TRIO: variants seen among roughly 807,000 people sequenced by gnomAD.
TRIO encodes the protein trio Rho guanine nucleotide exchange factor.
A neutral mutation model predicts 351.9 loss-of-function variants in TRIO; 58 were observed. The ratio of observed to expected loss-of-function variants is 0.16; its 90% CI spans 0.13 to 0.21. The LOEUF (loss-of-function observed/expected upper bound fraction) is 0.21. Ranked by LOEUF, TRIO falls within the 10% of genes least tolerant of loss-of-function variation. The pLI is 1.00. For missense variants in TRIO, 3,201 were observed against 4,027.8 expected, an observed-to-expected ratio of 0.79 and a Z score of 5.56; for synonymous variants, 1,758 against 1,595.7, an observed-to-expected ratio of 1.10 and a Z score of -2.42.
At chr5:14,162,627 C>T (rs184391602) in intron 1 of TRIO, among the ~76,000 whole-genome samples, 110 of 152,202 alleles carry the variant, frequency 7.2e-4, no homozygotes, top group Non-Finnish European at 1.2e-3. Flanking sequence ...ATGAGCCTGT[C>T]TTCCTTATTA....
intron 33 of TRIO, among the ~76,000 whole-genome samples, chr5:14,419,017 G>A (rs1749886096): frequency 6.6e-6 from 1 of 152,126 alleles, no homozygotes; most frequent in Admixed American, 6.5e-5. Flanking sequence ...AGGACCGGAA[G>A]AGTTTCAGTA....
At chr5:14,393,535 A>G (rs1298057329) in intron 27 of TRIO, among the ~76,000 whole-genome samples, 2 of 152,196 alleles carry the variant, frequency 1.3e-5, no homozygotes, top group Non-Finnish European at 1.5e-5. Flanking sequence ...TCTCCAGGCT[A>G]TCTGATAACC....
At chr5:14,209,053 A>C (rs2607080) in intron 1 of TRIO, among the ~76,000 whole-genome samples, 85 of 152,332 alleles carry the variant, frequency 5.6e-4, no homozygotes, top group African/African-American at 2.0e-3. Context: ...TTTATTCGAC[A>C]GGTCGCAGTT....
At chr5:14,421,016 C>T (rs897386340) in intron 34 of TRIO, among the ~76,000 whole-genome samples, 2 of 152,078 alleles carry the variant, frequency 1.3e-5, no homozygotes, top group South Asian at 2.1e-4. Flanking sequence ...AATGTTGCTA[C>T]GTTGTACCAT....
At chr5:14,177,852 C>T (rs528716867) in intron 1 of TRIO, among the ~76,000 whole-genome samples, 133 of 152,190 alleles carry the variant, frequency 8.7e-4, no homozygotes, top group Non-Finnish European at 1.8e-3. Flanking sequence ...CTGGAATTTT[C>T]ACAGGCCCAT....
At chr5:14,168,370 G>A (rs1336545065) in intron 1 of TRIO, among the ~76,000 whole-genome samples, 2 of 152,252 alleles carry the variant, frequency 1.3e-5, no homozygotes, top group East Asian at 1.9e-4. Flanking sequence ...GAGGTCCCAC[G>A]TAGGTGAACT....
chr5:14,322,903 G>A (rs1220207628), intron 9 of TRIO, among the ~76,000 whole-genome samples: 1 of 152,150 alleles, frequency 6.6e-6, no homozygotes, highest in East Asian at 1.9e-4. Context: ...GGAACTACTG[G>A]GCGCAGGTAG....
intron 1 of TRIO, among the ~76,000 whole-genome samples, chr5:14,199,166 C>T (rs1790942130): frequency 8.4e-6 from 1 of 118,992 alleles, no homozygotes; most frequent in South Asian, 3.0e-4. Context: ...GAACCTGCTG[C>T]ATTCCAGCCT....
chr5:14,447,124 C>T lies in TRIO; in HGVS notation c.5204-13895C>T, dbSNP rs540525272. On this transcript the variant is annotated intron_variant, in intron 34 of 56. Transcript: ENST00000344204. The stretch of plus-strand genomic sequence containing the variant: ...GCGGGCACCTATAATTCCAGCTGCT[C>T]GGGAGGCTAAGGCAGGAGAATCACT... Among the ~76,000 whole-genome samples, 15 of 152,168 alleles carry T rather than the reference C, an allele frequency of 9.9e-5. No homozygotes were observed. In the South Asian group the frequency reaches 2.3e-3, roughly 23 times the overall value.
intron 1 of TRIO, among the ~76,000 whole-genome samples, chr5:14,252,595 A>AGG (rs1794807737): frequency 6.6e-6 from 1 of 152,254 alleles, no homozygotes; most frequent in Admixed American, 6.5e-5. Flanking sequence ...AGATTGCAGG[A>AGG]GAGCCCAGGA....
intron 1 of TRIO, among the ~76,000 whole-genome samples, chr5:14,183,346 C>G (rs1789907172): frequency 6.6e-6 from 1 of 152,000 alleles, no homozygotes; most frequent in African/African-American, 2.4e-5. Flanking sequence ...CTTTTCTCTC[C>G]CCTTCCTTTA....
At chr5:14,196,468 C>T (rs1488073912) in intron 1 of TRIO, among the ~76,000 whole-genome samples, 4 of 149,888 alleles carry the variant, frequency 2.7e-5, no homozygotes, top group Admixed American at 6.7e-5. Context: ...GTGGAAATCA[C>T]GTACCTCTAA....
In TRIO at chr5:14,488,008, G is replaced by A. The variant is rs531264618; in HGVS notation, c.7380G>A (p.Pro2460=). 38 of 1,581,762 alleles carry A rather than the reference G, an allele frequency of 2.4e-5. No homozygotes were observed. In the Admixed American group the frequency reaches 4.6e-4, roughly 19 times the overall value. The change falls in exon 48 of 57, where the codon CCG becomes CCA. Residue 2460 remains proline (P), a synonymous_variant. Transcript: ENST00000344204. ...GGGCCGCTTCGCCGCTGAACTCGCC[G>A]CTCTCCAGCGCGGTCCCTTCTCTCG... ...RAGAASPLNS[P]LSSAVPSLGK... is the part of the protein sequence containing the mutation.
chr5:14,156,264 A>T (rs995818413), intron 1 of TRIO, among the ~76,000 whole-genome samples: 2 of 152,070 alleles, frequency 1.3e-5, no homozygotes, highest in African/African-American at 4.8e-5. Context: ...CAGGGCTGGG[A>T]TCAGCCATTT....
At chr5:14,428,932 C>T (rs1750868934) in intron 34 of TRIO, among the ~76,000 whole-genome samples, 1 of 152,186 alleles carries the variant, frequency 6.6e-6, no homozygotes, top group Non-Finnish European at 1.5e-5. Flanking sequence ...CACGTCCTCT[C>T]CTGCCTCTCA....
intron 49 of TRIO, among the ~76,000 whole-genome samples, chr5:14,496,162 T>G (rs1334683751): frequency 6.6e-6 from 1 of 152,220 alleles, no homozygotes; most frequent in Non-Finnish European, 1.5e-5. Flanking sequence ...ATAATACTAT[T>G]GCACACATAA....
intron 8 of TRIO, among the ~76,000 whole-genome samples, chr5:14,307,688 T>A (rs1738498560): frequency 6.6e-6 from 1 of 152,204 alleles, no homozygotes; most frequent in African/African-American, 2.4e-5. Context: ...TGCTGCACAT[T>A]TTGTGGGCAG....
intron 34 of TRIO, among the ~76,000 whole-genome samples, chr5:14,422,739 T>C (rs576979027): frequency 6.6e-6 from 1 of 152,336 alleles, no homozygotes; most frequent in Admixed American, 6.5e-5. Flanking sequence ...TTATTTTAAA[T>C]GAACAAGAAA....
intron 31 of TRIO, among the ~76,000 whole-genome samples, chr5:14,402,165 G>T (rs1436599010): frequency 6.6e-6 from 1 of 152,126 alleles, no homozygotes; most frequent in Non-Finnish European, 1.5e-5. Context: ...TTCTTCCTAA[G>T]GTCTAACATT....
Sources: gnomAD v4.1 joint callset for allele counts (sites outside exome capture counted in the v4.1 genomes callset) on GRCh38, gnomAD v4.1.1 for gene constraint, MANE v1.5 for transcripts, NCBI Gene and HGNC (gene_info 2026-07-23, HGNC 2026-07-21) for gene names.